Variants in MARK2 observed in about 807,000 individuals in gnomAD.
MARK2 encodes the protein microtubule affinity regulating kinase 2, also known as serine/threonine-protein kinase MARK2.
A neutral mutation model predicts 89.8 loss-of-function variants in MARK2; 16 were observed. The ratio of observed to expected loss-of-function variants is 0.18; its 90% CI spans 0.12 to 0.27. MARK2 has a LOEUF of 0.27. Among genes scored for constraint, MARK2 ranks in the 10% least tolerant of loss-of-function variants. MARK2 has a pLI of 1.00. For missense variants in MARK2, 621 were observed against 1,049.9 expected, an observed-to-expected ratio of 0.59 and a Z score of 5.65; for synonymous variants, 382 against 399.5, an observed-to-expected ratio of 0.96 and a Z score of 0.52.
chr11:63,870,135 A>C (rs1938364432), intron 1 of MARK2, among the ~76,000 whole-genome samples: 1 of 152,218 alleles, frequency 6.6e-6, no homozygotes, highest in South Asian at 2.1e-4. Context: ...GGACAAGTGG[A>C]AGGGTAGCAG....
At chr11:63,842,207 T>G (rs1444295194) in intron 1 of MARK2, among the ~76,000 whole-genome samples, 2 of 151,578 alleles carry the variant, frequency 1.3e-5, no homozygotes, top group Non-Finnish European at 2.9e-5. Context: ...TCCAGACAGA[T>G]TCCTGTATTC....
At chr11:63,846,360 AAAATT>A (rs2016274838) in intron 1 of MARK2, among the ~76,000 whole-genome samples, 1 of 151,784 alleles carries the variant, frequency 6.6e-6, no homozygotes, top group Non-Finnish European at 1.5e-5. Context: ...CTACAAAAAA[AAAATT>A]TTTTTTTTGA....
At chr11:63,868,948 A>G in intron 1 of MARK2, 1 of 446,402 alleles carries the variant, frequency 2.2e-6, no homozygotes, top group Non-Finnish European at 4.5e-6. Flanking sequence ...CTCAGAGCAG[A>G]TCAGTCGCTT....
chr11:63,908,105 C>T (rs552916983), intron 17 of MARK2, among the ~76,000 whole-genome samples, 155 bp from the exon 18 acceptor site: 51 of 152,356 alleles, frequency 3.3e-4, no homozygotes, highest in African/African-American at 1.1e-3. Flanking sequence ...GCTGCAGAGC[C>T]CTGTTGGCTT....
At chr11:63,861,810 T>C (rs1937804044) in intron 1 of MARK2, among the ~76,000 whole-genome samples, 4 of 151,440 alleles carry the variant, frequency 2.6e-5, no homozygotes, top group African/African-American at 9.7e-5. Context: ...GGCACGACCT[T>C]GGCTCACTGC....
At chr11:63,852,094 CA>C (rs1303296059) in intron 1 of MARK2, among the ~76,000 whole-genome samples, 1 of 152,202 alleles carries the variant, frequency 6.6e-6, no homozygotes, top group Non-Finnish European at 1.5e-5. Flanking sequence ...ATTCCCTCAC[CA>C]GTATACAGTG....
In MARK2 at chr11:63,910,694, T is replaced by A. The variant is rs1486721490; in HGVS notation, c.*1457T>A. Reference sequence around the variant, plus strand: ...TTTATGATGACTCCACCCCTCTTCATCACCCCCGCTCCCAGGCCAGGCTCA... The same window carrying A: ...TTTATGATGACTCCACCCCTCTTCAACACCCCCGCTCCCAGGCCAGGCTCA... On this transcript the variant is annotated 3_prime_UTR_variant, in exon 19 of 19. Transcript: ENST00000402010. The A allele has an allele frequency of 6.6e-6, 1 of 150,636 alleles. No individual in the cohort carries two copies. Among genetic ancestry groups the A allele is most frequent in the Non-Finnish European group, 1.5e-5 (1 of 67,766 alleles). The allele number at this position is 150,636 out of a possible 1,614,324, so 9.3% of individuals were successfully genotyped here. A position where few individuals can be genotyped will look rare whatever the true frequency, so the allele number is the denominator to read the frequency against.
chr11:63,902,326 C>G lies in MARK2; in HGVS notation c.1230C>G (p.Asp410Glu). ...ATCCCAAGCAGCGGCGCTTCAGCGA[C>G]CAGGGTAAATGCTTTTGGGAGTTGT... ...SANPKQRRFS[D>E]QAAGPAIPTS... Residue 410 changes from aspartate (D) to glutamate (E), a missense_variant, in exon 12 of 19, where the codon GAC (aspartate) becomes GAG (glutamate). Physicochemically the swap from Asp to Glu is conservative, Grantham distance 45 (BLOSUM62 2). Transcript: ENST00000402010. The surrounding 1 kb of genome is among the most constrained non-coding windows in gnomAD (Gnocchi z 4.2). The G allele has an allele frequency of 1.2e-6, 2 of 1,613,974 alleles. No individual in the cohort carries two copies. Among genetic ancestry groups the G allele is most frequent in the Non-Finnish European group, 1.7e-6 (2 of 1,179,962 alleles).
At chr11:63,863,922 C>G (rs546239152) in intron 1 of MARK2, among the ~76,000 whole-genome samples, 1 of 152,146 alleles carries the variant, frequency 6.6e-6, no homozygotes, top group East Asian at 1.9e-4. Context: ...TAGGCACGTC[C>G]CACTACACCC....
intron 1 of MARK2, among the ~76,000 whole-genome samples, chr11:63,844,312 T>G (rs2016169116): frequency 6.6e-6 from 1 of 152,144 alleles, no homozygotes; most frequent in Non-Finnish European, 1.5e-5. Flanking sequence ...AGACTCCATC[T>G]CTACAAAAAA....
At chr11:63,869,613 G>A (rs1938336215) in intron 1 of MARK2, among the ~76,000 whole-genome samples, 1 of 152,128 alleles carries the variant, frequency 6.6e-6, no homozygotes, top group Non-Finnish European at 1.5e-5. Flanking sequence ...GGCACCCTGA[G>A]TTCAGGGTTG....
At chr11:63,901,816 A>T (rs1165733493) in intron 11 of MARK2, among the ~76,000 whole-genome samples, 1 of 151,092 alleles carries the variant, frequency 6.6e-6, no homozygotes, top group East Asian at 1.9e-4. Context: ...TCCCCACATG[A>T]ACTCCCAGCC....
At chr11:63,864,549 C>T (rs553380382) in intron 1 of MARK2, among the ~76,000 whole-genome samples, 135 of 151,436 alleles carry the variant, frequency 8.9e-4, no homozygotes, top group Non-Finnish European at 1.7e-3. Context: ...CGTGAGCCAC[C>T]GTGCCTGGCT....
chr11:63,849,959 G>A (rs2016482191), intron 1 of MARK2: 1 of 152,178 alleles, frequency 6.6e-6, no homozygotes, highest in Non-Finnish European at 1.5e-5. Flanking sequence ...TGGCACAGCA[G>A]AATGATCATT....
intron 1 of MARK2, among the ~76,000 whole-genome samples, chr11:63,893,029 C>G (rs58678024): frequency 0.1 from 15,466 of 151,090 alleles, 2,636 homozygotes; most frequent in African/African-American, 0.35. Context: ...CTGCCTCAGC[C>G]TCCCTAGTAG....
At chr11:63,854,600 C>T (rs186114827) in intron 1 of MARK2, among the ~76,000 whole-genome samples, 10 of 151,630 alleles carry the variant, frequency 6.6e-5, no homozygotes, top group Admixed American at 5.9e-4. Context: ...TTTCGGAGGC[C>T]AAGGCGAGTG....
intron 1 of MARK2, among the ~76,000 whole-genome samples, chr11:63,893,043 G>C (rs1940036010): frequency 6.6e-6 from 1 of 150,906 alleles, no homozygotes; most frequent in Admixed American, 6.6e-5. Flanking sequence ...CTAGTAGCTG[G>C]GATTACAGGC....
At chr11:63,898,129 C>G in intron 3 of MARK2, 103 bp from the exon 4 acceptor site, 3 of 921,080 alleles carry the variant, frequency 3.3e-6, no homozygotes, top group Non-Finnish European at 5.3e-6. Context: ...TTTCCCTGCC[C>G]GGTTTTGGTT....
chr11:63,902,407 A>G lies in MARK2; in HGVS notation c.1234+77A>G. ...TACAGGTTCTGTGGGGACTTGGGTA[A>G]CACAACTAAGTTTCAGTCCTGGTTC... On this transcript the variant is annotated intron_variant, in intron 12 of 18. Transcript: ENST00000402010. This position sits in a 1 kb window ranked among gnomAD's most constrained non-coding sequence, Gnocchi z 4.2. 6.3e-7 allele frequency: 1 copy of G among 1,580,518 alleles called. No homozygotes were observed. Among genetic ancestry groups the G allele is most frequent in the Admixed American group, 1.7e-5 (1 of 59,262 alleles).
Sources: gnomAD v4.1 joint callset for allele counts (sites outside exome capture counted in the v4.1 genomes callset) on GRCh38, gnomAD v4.1.1 for gene constraint, Gnocchi (gnomAD v3.1) non-coding constraint, MANE v1.5 for transcripts, NCBI Gene and HGNC (gene_info 2026-07-23, HGNC 2026-07-21) for gene names.